The following SORCS1 variants were observed in gnomAD, a reference collection of about 807,000 sequenced individuals.
The protein encoded by SORCS1 is sortilin related VPS10 domain containing receptor 1.
In SORCS1, 60 loss-of-function variants were observed where a neutral mutation model predicts 146.1. That is an observed-to-expected ratio of 0.41 (90% CI 0.33 to 0.51). SORCS1 has a LOEUF of 0.51. Among genes scored for constraint, SORCS1 ranks in the 20% least tolerant of loss-of-function variants. The pLI is 0.21. For synonymous variants in SORCS1, 637 were observed against 584.0 expected (o/e 1.09, Z -1.31); for missense variants, 1,352 against 1,487.6 (o/e 0.91, Z 1.50).
intron 2 of SORCS1, among the ~76,000 whole-genome samples, chr10:106,883,417 A>ATTTT (rs11396800): frequency 1.4e-5 from 2 of 144,002 alleles, no homozygotes; most frequent in Admixed American, 6.9e-5. Flanking sequence ...TAGCAAATGT[A>ATTTT]TTTTTTTTTT....
At chr10:106,644,733 T>G (rs1849298318) in intron 18 of SORCS1, among the ~76,000 whole-genome samples, 1 of 152,216 alleles carries the variant, frequency 6.6e-6, no homozygotes, top group African/African-American at 2.4e-5. Context: ...ACATATATTC[T>G]TTTTAGTCTG....
intron 1 of SORCS1, among the ~76,000 whole-genome samples, chr10:107,031,453 A>G (rs1443209170): frequency 6.6e-6 from 1 of 151,624 alleles, no homozygotes; most frequent in Non-Finnish European, 1.5e-5. Flanking sequence ...GGCACAGAGT[A>G]ACATCACTTG....
upstream of SORCS1, among the ~76,000 whole-genome samples, chr10:107,168,620 C>G (rs911678081): frequency 5.4e-5 from 8 of 149,164 alleles, no homozygotes; most frequent in African/African-American, 2.0e-4. Flanking sequence ...GATATATACT[C>G]TATGCCAGAA....
chr10:106,593,409 A>G (rs1845728690), intron 24 of SORCS1, among the ~76,000 whole-genome samples: 1 of 152,150 alleles, frequency 6.6e-6, no homozygotes, highest in Admixed American at 6.5e-5. Context: ...TCTTTTGCAT[A>G]AGAAAATCGA....
intron 2 of SORCS1, among the ~76,000 whole-genome samples, chr10:106,915,686 C>G (rs1952386789): frequency 6.6e-6 from 1 of 152,138 alleles, no homozygotes; most frequent in African/African-American, 2.4e-5. Flanking sequence ...TAGACTCACA[C>G]TGAAAAAAAG....
chr10:107,124,781 G>A (rs1005517372), intron 1 of SORCS1, among the ~76,000 whole-genome samples: 39 of 151,968 alleles, frequency 2.6e-4, no homozygotes, highest in African/African-American at 8.2e-4. Flanking sequence ...AAAAGCAACC[G>A]TGTATGAAAC....
chr10:107,065,267 C>T (rs1341862887), intron 1 of SORCS1, among the ~76,000 whole-genome samples: 4 of 152,076 alleles, frequency 2.6e-5, no homozygotes, highest in Non-Finnish European at 5.9e-5. Flanking sequence ...AGAGCCTAAG[C>T]GAGCTTTGCA....
chr10:106,603,061 T>C (rs1323772211), intron 23 of SORCS1, among the ~76,000 whole-genome samples: 1 of 152,190 alleles, frequency 6.6e-6, no homozygotes, highest in East Asian at 1.9e-4. Context: ...TTAGATGTTC[T>C]AATGTCCTTT....
chr10:106,803,710 G>T (rs984713661), intron 3 of SORCS1, among the ~76,000 whole-genome samples: 1 of 152,174 alleles, frequency 6.6e-6, no homozygotes, highest in African/African-American at 2.4e-5. Flanking sequence ...TTCTTTGAAG[G>T]TTATGAACAA....
intron 1 of SORCS1, among the ~76,000 whole-genome samples, chr10:107,075,484 G>T (rs1006824108): frequency 2.6e-5 from 4 of 152,060 alleles, no homozygotes; most frequent in African/African-American, 9.7e-5. Flanking sequence ...ATGGCAGAGG[G>T]TATTTGATAA....
At chr10:106,834,192 G>A (rs1417817033) in intron 2 of SORCS1, among the ~76,000 whole-genome samples, 3 of 152,166 alleles carry the variant, frequency 2.0e-5, no homozygotes. Context: ...AGTCTCCTAT[G>A]GACATGAGCT....
chr10:107,013,560 T>G (rs758668542), intron 1 of SORCS1, among the ~76,000 whole-genome samples: 22 of 152,116 alleles, frequency 1.4e-4, no homozygotes, highest in Non-Finnish European at 2.5e-4. Flanking sequence ...AGGATTAACA[T>G]CAATAATGGG....
At chr10:106,839,379 C>T (rs1475557404) in intron 2 of SORCS1, among the ~76,000 whole-genome samples, 1 of 152,198 alleles carries the variant, frequency 6.6e-6, no homozygotes, top group Non-Finnish European at 1.5e-5. Flanking sequence ...CCAGCTACAA[C>T]ATTTCCTTAA....
chr10:106,974,448 G>A (rs1208330416), intron 1 of SORCS1, among the ~76,000 whole-genome samples: 1 of 152,182 alleles, frequency 6.6e-6, no homozygotes, highest in Admixed American at 6.5e-5. Flanking sequence ...GCCCAGTGAT[G>A]TTTGGGTGGA....
At chr10:106,760,657 T>A (rs1223380037) in intron 5 of SORCS1, among the ~76,000 whole-genome samples, 3 of 151,534 alleles carry the variant, frequency 2.0e-5, no homozygotes, top group African/African-American at 7.3e-5. Flanking sequence ...GGTATTCTGT[T>A]ACGGCAACCC....
intron 1 of SORCS1, among the ~76,000 whole-genome samples, chr10:107,043,289 C>G (rs956715960): frequency 6.6e-6 from 1 of 152,082 alleles, no homozygotes; most frequent in African/African-American, 2.4e-5. Context: ...GGGAGGAGGA[C>G]ATAGCAATGG....
chr10:106,790,749 A>G (rs544588891), intron 3 of SORCS1, among the ~76,000 whole-genome samples: 60 of 152,316 alleles, frequency 3.9e-4, no homozygotes, highest in African/African-American at 1.4e-3. Context: ...GAGTGCTCCT[A>G]GTGATGGCCG....
At chr10:106,639,363 C>T (rs981632720) in intron 18 of SORCS1, among the ~76,000 whole-genome samples, 4 of 152,112 alleles carry the variant, frequency 2.6e-5, no homozygotes, top group East Asian at 3.9e-4. Flanking sequence ...GGATGTTTGC[C>T]GAACTGGAAC....
At chr10:107,074,009 A>AT (rs2134197216) in intron 1 of SORCS1, among the ~76,000 whole-genome samples, 1 of 152,300 alleles carries the variant, frequency 6.6e-6, no homozygotes, top group Non-Finnish European at 1.5e-5. Flanking sequence ...AGAATGGTAC[A>AT]TTCATTACAA....
Sources: gnomAD v4.1 joint callset for allele counts (sites outside exome capture counted in the v4.1 genomes callset) on GRCh38, gnomAD v4.1.1 for gene constraint, MANE v1.5 for transcripts, NCBI Gene and HGNC (gene_info 2026-07-23, HGNC 2026-07-21) for gene names.